WDR27: variants seen among roughly 807,000 people sequenced by gnomAD.
The protein encoded by WDR27 is WD repeat domain 27.
WDR27 carries 100 observed loss-of-function variants against 114.4 expected under a neutral mutation model. That is an observed-to-expected ratio of 0.87 (90% confidence interval 0.74 to 1.03). WDR27 has a LOEUF of 1.03. Among genes scored for constraint, WDR27 ranks in the 50% least tolerant of loss-of-function variants. The probability of loss-of-function intolerance (pLI) is 0.00; values close to 1 mark genes in which losing one functional copy is unlikely to be tolerated. For synonymous variants in WDR27, 449 were observed against 423.1 expected, an observed-to-expected ratio of 1.06 and a Z score of -0.75; for missense variants, 1,129 against 1,092.9, an observed-to-expected ratio of 1.03 and a Z score of -0.47.
At chr6:169,427,313 T>A in the WDR27 span, among the ~76,000 whole-genome samples, 3 of 152,044 alleles carry the variant, frequency 2.0e-5, no homozygotes, top group Non-Finnish European at 4.4e-5. Flanking sequence ...GTCCCTGGGA[T>A]TTAGAGTGTG....
chr6:169,575,738 A>G (rs1324804576), intron 24 of WDR27, among the ~76,000 whole-genome samples: 1 of 152,192 alleles, frequency 6.6e-6, no homozygotes, highest in Admixed American at 6.5e-5. Flanking sequence ...CATCTAATAG[A>G]TTTTCTTAAA....
At chr6:169,464,318 A>G (rs1355496410) in intron 25 of WDR27, among the ~76,000 whole-genome samples, 1 of 152,238 alleles carries the variant, frequency 6.6e-6, no homozygotes, top group African/African-American at 2.4e-5. Context: ...TGCTTGGAAA[A>G]ATAGACATCC....
At chr6:169,480,429 G>A (rs187804783) in intron 25 of WDR27, among the ~76,000 whole-genome samples, 25 of 152,368 alleles carry the variant, frequency 1.6e-4, no homozygotes, top group South Asian at 8.3e-4. Flanking sequence ...GTATGCAGGC[G>A]TGCAGCGTGG....
chr6:169,547,261 A>T (rs551599656), intron 25 of WDR27, among the ~76,000 whole-genome samples: 3 of 152,276 alleles, frequency 2.0e-5, no homozygotes, highest in Admixed American at 2.0e-4. Flanking sequence ...AATGAATCCA[A>T]TTCTCTATAA....
At chr6:169,697,215 CCACA>C (rs997444044) in intron 1 of WDR27, among the ~76,000 whole-genome samples, 25 of 152,124 alleles carry the variant, frequency 1.6e-4, no homozygotes, top group Non-Finnish European at 4.4e-5. Flanking sequence ...AAAAACCAGG[CCACA>C]CAGAGATAGG....
chr6:169,577,284 G>T (rs1413954450), intron 24 of WDR27, among the ~76,000 whole-genome samples: 1 of 152,136 alleles, frequency 6.6e-6, no homozygotes, highest in Non-Finnish European at 1.5e-5. Flanking sequence ...CTGAGGGCGG[G>T]GTCCGGGCAG....
At position 169,582,850 on chromosome 6, in the gene WDR27, G is replaced by A. The variant is rs747013218; in HGVS notation, c.2509C>T (p.Pro837Ser). 8 of 1,613,700 alleles carry A rather than the reference G, an allele frequency of 5.0e-6. No homozygotes were observed. In the African/African-American group the frequency reaches 1.1e-4, roughly 22 times the overall value. ...TDTVTGVAFN[P>S]SAPQMESRSV... is the part of the protein sequence containing the mutation. The stretch of plus-strand genomic sequence containing the variant: ...CAAGACTGTACCTGGGGCGCTGATG[G>A]GTTGAAGGCCACTCCAGTGACAGTG... Residue 837 changes from proline (P) to serine (S), a missense_variant, in exon 24 of 26, where the codon CCA (proline) becomes TCA (serine). Coordinates refer to ENST00000448612, the MANE Select transcript of WDR27 (RefSeq NM_182552.5).
chr6:169,505,921 C>T (rs1269661723), intron 25 of WDR27, among the ~76,000 whole-genome samples: 14 of 152,220 alleles, frequency 9.2e-5, no homozygotes, highest in African/African-American at 1.7e-4. Context: ...GGCCACACTT[C>T]GGACACACTG....
intron 2 of WDR27, among the ~76,000 whole-genome samples, chr6:169,673,926 G>A (rs555929364): frequency 2.0e-5 from 3 of 152,120 alleles, no homozygotes; most frequent in Non-Finnish European, 4.4e-5. Flanking sequence ...GGCTTAGAAT[G>A]GGAACCCCAA....
intron 25 of WDR27, among the ~76,000 whole-genome samples, chr6:169,463,927 G>A (rs200650128): frequency 6.6e-6 from 1 of 152,008 alleles, no homozygotes; most frequent in African/African-American, 2.4e-5. Context: ...TTCATAAATT[G>A]GAATACTTAA....
rs546013211 is a variant in WDR27, at chr6:169,651,221, G to A, written c.1481+709C>T. Among the ~76,000 whole-genome samples, 14 of 143,942 alleles carry A rather than the reference G, an allele frequency of 9.7e-5. No individual in the cohort carries two copies. The East Asian group carries it at 2.9e-3, about 30-fold the overall frequency. 94.4% of individuals were successfully genotyped at this position (143,942 alleles called of 152,430 possible). ...TGGGGGAGTGGGGGAGTGGCCAGGGGCACATGAAGACGGGAGCTTGGTAGA... is the reference window on the plus strand; with the variant it reads ...TGGGGGAGTGGGGGAGTGGCCAGGGACACATGAAGACGGGAGCTTGGTAGA... On this transcript the variant is annotated intron_variant, in intron 14 of 25. Coordinates refer to ENST00000448612, the MANE Select transcript of WDR27 (RefSeq NM_182552.5).
intron 2 of WDR27, 130 bp downstream of exon 2, chr6:169,688,687 T>C: frequency 4.4e-6 from 2 of 455,932 alleles, no homozygotes; most frequent in Admixed American, 7.8e-5. Flanking sequence ...TATATAATGT[T>C]TTTATCAATA....
At chr6:169,613,496 C>A in intron 22 of WDR27, 63 bp downstream of exon 22, 1 of 1,287,100 alleles carries the variant, frequency 7.8e-7, no homozygotes, top group South Asian at 1.2e-5. Context: ...GAAAAGAGAT[C>A]AGATTGAGCT....
intron 22 of WDR27, among the ~76,000 whole-genome samples, chr6:169,606,767 T>C (rs1455418414): frequency 6.6e-6 from 1 of 152,232 alleles, no homozygotes; most frequent in Admixed American, 6.5e-5. Flanking sequence ...AGTGCTGCAA[T>C]GAACATATGC....
At chr6:169,460,617 T>C (rs1784794760) in intron 25 of WDR27, among the ~76,000 whole-genome samples, 1 of 152,170 alleles carries the variant, frequency 6.6e-6, no homozygotes, top group Non-Finnish European at 1.5e-5. Context: ...TGTAAATGGA[T>C]TAAATTCTCC....
chr6:169,544,361 ATAAG>A (rs1185097506), intron 25 of WDR27, among the ~76,000 whole-genome samples: 1 of 152,122 alleles, frequency 6.6e-6, no homozygotes, highest in African/African-American at 2.4e-5. Flanking sequence ...CTTAGAACTA[ATAAG>A]TAAATTCATC....
In WDR27 at chr6:169,508,359, G is replaced by C. The variant is rs576966995; in HGVS notation, c.2646-50725C>G. Among the ~76,000 whole-genome samples, 271 of 152,326 alleles carry C rather than the reference G, an allele frequency of 1.8e-3. 1 individual carries two copies. Among genetic ancestry groups the C allele is most frequent in the African/African-American group, 6.3e-3 (264 of 41,576 alleles). On this transcript the variant is annotated intron_variant, in intron 25 of 25. Transcript: ENST00000448612. Reference sequence around the variant, plus strand: ...ACCAATTATTAGTTGATTAAATCATGGTTGATTGCAGCAGCCAGAGAAATG... The same window carrying C: ...ACCAATTATTAGTTGATTAAATCATCGTTGATTGCAGCAGCCAGAGAAATG...
At chr6:169,655,487 C>T (rs1030994123) in intron 13 of WDR27, among the ~76,000 whole-genome samples, 1 of 152,182 alleles carries the variant, frequency 6.6e-6, no homozygotes, top group Non-Finnish European at 1.5e-5. Flanking sequence ...GACAACAGAA[C>T]GCTGTATAGC....
At chr6:169,647,912 CA>C in intron 15 of WDR27, 42 bp from the exon 16 acceptor site, 1 of 1,400,510 alleles carries the variant, frequency 7.1e-7, no homozygotes, top group Non-Finnish European at 9.7e-7. Flanking sequence ...GAGACATTCA[CA>C]GTGAGATTAG....
Sources: allele counts gnomAD v4.1 joint callset (sites outside exome capture counted in the v4.1 genomes callset), GRCh38; gene constraint gnomAD v4.1.1; transcripts MANE v1.5; gene names NCBI Gene and HGNC (gene_info 2026-07-23, HGNC 2026-07-21).